Variants in TCTN3 observed in about 807,000 individuals in gnomAD.
TCTN3 encodes the protein tectonic-3.
A neutral mutation model predicts 71.3 loss-of-function variants in TCTN3; 57 were observed. That is an observed-to-expected ratio of 0.80 (90% CI 0.65 to 1.00). The LOEUF (loss-of-function observed/expected upper bound fraction) is 1.00, where lower values mean the gene tolerates loss of function less well. Ranked by LOEUF, TCTN3 falls within the 50% of genes least tolerant of loss-of-function variation. The pLI is 0.00. For synonymous variants in TCTN3, 258 were observed against 267.8 expected, an observed-to-expected ratio of 0.96 and a Z score of 0.36; for missense variants, 696 against 719.9, an observed-to-expected ratio of 0.97 and a Z score of 0.38.
intron 13 of TCTN3, among the ~76,000 whole-genome samples, chr10:95,676,224 C>CAAACCAGAAT (rs1490672986): frequency 2.0e-5 from 3 of 150,302 alleles, no homozygotes; most frequent in South Asian, 4.2e-4. Context: ...AATACAAAAA[C>CAAACCAGAAT]AAACCAGAAT....
intron 13 of TCTN3, among the ~76,000 whole-genome samples, chr10:95,673,826 C>T (rs985783339): frequency 6.6e-6 from 1 of 152,164 alleles, no homozygotes; most frequent in Non-Finnish European, 1.5e-5. Flanking sequence ...GGCTGTAACA[C>T]AATTTAAGAC....
Position 95,663,791 on chromosome 10 carries a change from G to A in TCTN3, c.*276C>T, listed in dbSNP as rs1248028196. ...AGCTAGGTGTAACATAACCAGAAAG[G>A]CTGAAGGAAGGCTCTTGGCCTTCCC... On this transcript the variant is annotated 3_prime_UTR_variant, in exon 14 of 14. Coordinates refer to ENST00000371217, the MANE Select transcript of TCTN3 (RefSeq NM_015631.6). The A allele has an allele frequency of 2.8e-6, 1 of 362,936 alleles. No homozygotes were observed. Among genetic ancestry groups the A allele is most frequent in the African/African-American group, 2.1e-5 (1 of 48,398 alleles). The allele number at this position is 362,936 out of a possible 1,614,324, so 22.5% of individuals were successfully genotyped here. A position where few individuals can be genotyped will look rare whatever the true frequency, so the allele number is the denominator to read the frequency against.
intron 13 of TCTN3, among the ~76,000 whole-genome samples, chr10:95,679,638 C>T (rs1202460485): frequency 3.1e-5 from 4 of 130,792 alleles, no homozygotes; most frequent in East Asian, 4.4e-4. Context: ...GTCGCCCAGG[C>T]TGGAGTGCAG....
At chr10:95,672,157 T>C (rs2097932162) in intron 13 of TCTN3, among the ~76,000 whole-genome samples, 1 of 144,880 alleles carries the variant, frequency 6.9e-6, no homozygotes, top group Non-Finnish European at 1.5e-5. Context: ...TTAATTATTA[T>C]TATTGTGTGT....
Position 95,693,918 on chromosome 10 carries a change from G to C in TCTN3, c.-19C>G. 1 of 1,551,536 alleles carries C rather than the reference G, an allele frequency of 6.4e-7. No individual in the cohort carries two copies. The highest frequency in any genetic ancestry group is 8.7e-7 in the Non-Finnish European group (1 of 1,146,972). ...TGCGCATGGGGCATTCAGGGCCTCC[G>C]GGTCCGACGTAGGCCTCCGCGGTCT... On this transcript the variant is annotated 5_prime_UTR_variant, in exon 1 of 14. Transcript: ENST00000371217.
rs1359923755 is a variant in TCTN3, at chr10:95,685,571, C to T, written c.954G>A (p.Gln318=). Residue 318 remains glutamine, a synonymous_variant, in exon 8 of 14, where the codon CAG becomes CAA. Coordinates refer to ENST00000371217, the MANE Select transcript of TCTN3 (RefSeq NM_015631.6). ...NAPLLAGNTC[Q]NVVSQVTYEI... ...GTATCCCTACCTGAGAAACTACATTCTGACAAGTGTTTCCAGCCAACAGAG... is the reference window on the plus strand; with the variant it reads ...GTATCCCTACCTGAGAAACTACATTTTGACAAGTGTTTCCAGCCAACAGAG... 2 of 1,551,414 alleles carry T rather than the reference C, an allele frequency of 1.3e-6. No individual in the cohort carries two copies. Among genetic ancestry groups the T allele is most frequent in the Non-Finnish European group, 1.7e-6 (2 of 1,146,808 alleles).
intron 13 of TCTN3, among the ~76,000 whole-genome samples, chr10:95,667,072 A>G (rs760300568): frequency 6.6e-6 from 1 of 152,220 alleles, no homozygotes; most frequent in Non-Finnish European, 1.5e-5. Flanking sequence ...GAACTCTAAT[A>G]TAACTATTAA....
intron 13 of TCTN3, among the ~76,000 whole-genome samples, chr10:95,664,691 T>G (rs1453149316): frequency 6.6e-6 from 1 of 152,188 alleles, no homozygotes; most frequent in East Asian, 1.9e-4. Context: ...ATTCTATTCC[T>G]TCTCCAATGG....
At chr10:95,687,814 AG>A (rs2097949924) in intron 3 of TCTN3, 95 bp from the exon 4 acceptor site, 2 of 1,413,502 alleles carry the variant, frequency 1.4e-6, no homozygotes, top group South Asian at 2.8e-5. Context: ...CATAATATAC[AG>A]GGTGCAAATC....
At chr10:95,682,510 C>T in intron 12 of TCTN3, 141 bp downstream of exon 12, 1 of 992,704 alleles carries the variant, frequency 1.0e-6, no homozygotes, top group African/African-American at 1.7e-5. Flanking sequence ...AAAAAGGCTT[C>T]AAGTGGGCAT....
intron 13 of TCTN3, among the ~76,000 whole-genome samples, chr10:95,667,445 AAGC>A (rs1324300759): frequency 6.6e-6 from 1 of 152,222 alleles, no homozygotes; most frequent in Non-Finnish European, 1.5e-5. Context: ...GACTAGATAC[AAGC>A]AGATTTTCTC....
rs7072953 is a variant in TCTN3 at position 95,680,815 on chromosome 10, G to C, written c.1453-206C>G. Among the ~76,000 whole-genome samples, 39,902 of 140,116 alleles carry C rather than the reference G, an allele frequency of 0.28. 6,128 individuals are homozygous for C. Among genetic ancestry groups the C allele is most frequent in the Admixed American group, 0.42 (5,723 of 13,706 alleles). 91.9% of individuals were successfully genotyped at this position (140,116 alleles called of 152,430 possible). ...TTTTTTTGAGACGAAGTCTCGCACT[G>C]TCACCCAGGCTGGAGTGCAGGGGCA... is the stretch of plus-strand genomic sequence containing the variant. On this transcript the variant is annotated intron_variant, in intron 12 of 13. Transcript: ENST00000371217.
intron 3 of TCTN3, among the ~76,000 whole-genome samples, chr10:95,689,121 G>A (rs1475226081): frequency 2.0e-5 from 3 of 151,990 alleles, no homozygotes; most frequent in Non-Finnish European, 4.4e-5. Flanking sequence ...GCATGAATGG[G>A]GCTCTCAATT....
At chr10:95,680,942 TTATTTTTG>T (rs1268541269) in intron 12 of TCTN3, among the ~76,000 whole-genome samples, 5 of 148,122 alleles carry the variant, frequency 3.4e-5, no homozygotes, top group African/African-American at 1.3e-4. Context: ...CACCTAATTT[TTATTTTTG>T]TATTTTTAGT....
At chr10:95,679,749 G>A (rs993989886) in intron 13 of TCTN3, among the ~76,000 whole-genome samples, 48 of 151,242 alleles carry the variant, frequency 3.2e-4, no homozygotes, top group Non-Finnish European at 1.6e-4. Context: ...CCGCCACTAC[G>A]CCCGGCTATT....
chr10:95,669,843 C>T (rs2097929134), intron 13 of TCTN3, among the ~76,000 whole-genome samples: 1 of 151,740 alleles, frequency 6.6e-6, no homozygotes, highest in South Asian at 2.1e-4. Flanking sequence ...GCGGGCGGAT[C>T]ACGAGGTCAG....
rs1171916762 is a variant in TCTN3, at chr10:95,683,090, C to T, written c.1298+11G>A. 1 of 1,610,600 alleles carries T rather than the reference C, an allele frequency of 6.2e-7. No individual in the cohort carries two copies. Among genetic ancestry groups the T allele is most frequent in the South Asian group, 1.1e-5 (1 of 90,456 alleles). ...GAAATTGCAGGAAATGATGCGGAAG[C>T]AAAGAACTACCTGAGCTTGCATCCA... On this transcript the variant is annotated intron_variant, in intron 11 of 13. Coordinates refer to ENST00000371217, the MANE Select transcript of TCTN3 (RefSeq NM_015631.6).
Position 95,687,719 on chromosome 10 carries a change from G to A in TCTN3, c.500C>T (p.Ser167Leu). Residue 167 changes from serine to leucine, a missense_variant and splice_region_variant, in exon 4 of 14, where the codon TCA (serine) becomes TTA (leucine). By Grantham distance (145) the Ser-to-Leu change is moderately radical. Transcript: ENST00000371217. ...AAGCTTCTGGAAATAGTTTAAGTTT[G>A]CTAAAATGTTTTTTAAAAGAAAAAG... ...IRQFCVHVNN[S>L]NLNYFQKLQK... is the part of the protein sequence containing the mutation. 1 of 1,605,110 alleles carries A rather than the reference G, an allele frequency of 6.2e-7. No individual in the cohort carries two copies. The highest frequency in any genetic ancestry group is 8.5e-7 in the Non-Finnish European group (1 of 1,177,844).
intron 11 of TCTN3, 80 bp from the exon 12 acceptor site, chr10:95,682,884 A>G: frequency 6.7e-7 from 1 of 1,501,220 alleles, no homozygotes; most frequent in Non-Finnish European, 9.0e-7. Flanking sequence ...GTTAAACCAA[A>G]CATTGGAAAT....
Sources: gnomAD v4.1 joint callset for allele counts (sites outside exome capture counted in the v4.1 genomes callset) on GRCh38, gnomAD v4.1.1 for gene constraint, MANE v1.5 for transcripts, NCBI Gene and HGNC (gene_info 2026-07-23, HGNC 2026-07-21) for gene names.